FAAH2: variants seen among roughly 807,000 people sequenced by gnomAD.
FAAH2 encodes fatty-acid amide hydrolase 2.
A neutral mutation model predicts 36.9 loss-of-function variants in FAAH2; 60 were observed. The ratio of observed to expected loss-of-function variants is 1.63; its 90% CI spans 1.32 to 2.02. The LOEUF (loss-of-function observed/expected upper bound fraction) is 2.02, where lower values mean the gene tolerates loss of function less well. Ranked by LOEUF, FAAH2 falls within the 30% of genes most tolerant of loss-of-function variation. FAAH2 has a pLI of 0.00. For synonymous variants in FAAH2, 214 were observed against 143.8 expected (o/e 1.49, Z -3.49); for missense variants, 689 against 397.5 (o/e 1.73, Z -6.23).
rs760643135 is a variant in FAAH2 at position 57,390,569 on chromosome X, A to T, written c.996+9540A>T. On this transcript the variant is annotated intron_variant, in intron 7 of 10. Coordinates refer to ENST00000374900, the MANE Select transcript of FAAH2 (RefSeq NM_174912.4). The stretch of plus-strand genomic sequence containing the variant: ...TGTATCCATTGTTTAGTTTCCACTT[A>T]TAAGTGAGAAACAGACTTTCTGTTT... Among the ~76,000 whole-genome samples, 8 of 111,263 alleles carry T rather than the reference A, an allele frequency of 7.2e-5. No individual in the cohort carries two copies. The South Asian group carries it at 2.6e-3, about 36-fold the overall frequency.
rs945424024 is a variant in FAAH2, at chrX:57,488,989, C to T, written c.*57C>T. On this transcript the variant is annotated 3_prime_UTR_variant, in exon 11 of 11. Coordinates refer to ENST00000374900, the MANE Select transcript of FAAH2 (RefSeq NM_174912.4). ...TGTTTGTGTTCGTGTGGTGGTGTTTCTATTAATTGGGTGAAATCAAGCACC... is the reference window on the plus strand; with the variant it reads ...TGTTTGTGTTCGTGTGGTGGTGTTTTTATTAATTGGGTGAAATCAAGCACC... 3 of 1,088,114 alleles carry T rather than the reference C, an allele frequency of 2.8e-6. No individual in the cohort carries two copies. Among genetic ancestry groups the T allele is most frequent in the Non-Finnish European group, 3.6e-6 (3 of 823,558 alleles). The allele number at this position is 1,088,114 out of a possible 1,213,427, so 89.7% of individuals were successfully genotyped here.
chrX:57,479,751 G>A (rs761619793), intron 10 of FAAH2, among the ~76,000 whole-genome samples: 1 of 111,663 alleles, frequency 9.0e-6, no homozygotes, highest in South Asian at 3.8e-4. Flanking sequence ...TAATCATGTG[G>A]TTTTTGTCTT....
the FAAH2 span, among the ~76,000 whole-genome samples, chrX:57,182,301 A>C: frequency 7.1e-5 from 8 of 112,252 alleles, no homozygotes; most frequent in African/African-American, 2.3e-4. Flanking sequence ...AATTTATAGA[A>C]TATTAGAAAA....
rs1038485206 is a variant in FAAH2 at position 57,289,517 on chromosome X, C to T, written c.192+2500C>T. 1.5e-4 allele frequency among the ~76,000 whole-genome samples: 17 copies of T among 110,698 alleles called. No homozygotes were observed. In the East Asian group the frequency reaches 2.3e-3, roughly 15 times the overall value. ...CCGAAAGTCAATGAGGTTTTGAAAC[C>T]GTAAGTCCCACCCTTTATTCATCTC... is the stretch of plus-strand genomic sequence containing the variant. On this transcript the variant is annotated intron_variant, in intron 1 of 10. Transcript: ENST00000374900.
At chrX:57,439,760 T>A (rs1306079518) in intron 8 of FAAH2, among the ~76,000 whole-genome samples, 7 of 112,054 alleles carry the variant, frequency 6.2e-5, no homozygotes, top group African/African-American at 2.3e-4. Flanking sequence ...CTTTAATCCA[T>A]CTTGAACTAA....
rs772353909 is a variant in FAAH2, at chrX:57,426,295, G to A, written c.997-5623G>A. Among the ~76,000 whole-genome samples, 12 of 111,884 alleles carry A rather than the reference G, an allele frequency of 1.1e-4. No individual in the cohort carries two copies. In the East Asian group the frequency reaches 2.5e-3, roughly 23 times the overall value. On this transcript the variant is annotated intron_variant, in intron 7 of 10. Coordinates refer to ENST00000374900, the MANE Select transcript of FAAH2 (RefSeq NM_174912.4). ...ATTACTAGAACTAAGGAAAGATATA[G>A]CAATACAATAATAGCTGGAGACTTC...
intron 10 of FAAH2, among the ~76,000 whole-genome samples, chrX:57,470,710 C>T (rs1231575599): frequency 1.8e-5 from 2 of 111,436 alleles, no homozygotes; most frequent in Admixed American, 9.6e-5. Context: ...CTATTCCAAT[C>T]GATAGAAAAA....
At chrX:57,292,129 A>G (rs930962978) in intron 1 of FAAH2, among the ~76,000 whole-genome samples, 1 of 111,426 alleles carries the variant, frequency 9.0e-6, no homozygotes, top group Non-Finnish European at 1.9e-5. Flanking sequence ...GTTAAGTTTC[A>G]GTGTATTACT....
the FAAH2 span, among the ~76,000 whole-genome samples, chrX:57,203,015 T>C: frequency 2.7e-5 from 3 of 111,914 alleles, no homozygotes; most frequent in East Asian, 8.5e-4. Flanking sequence ...CTGCATGGCC[T>C]AGTGCTGACA....
chrX:57,480,593 T>C (rs931586864), intron 10 of FAAH2, among the ~76,000 whole-genome samples: 2 of 112,277 alleles, frequency 1.8e-5, no homozygotes, highest in African/African-American at 3.2e-5. Flanking sequence ...GTAGGGTTTC[T>C]GCAGATTAAT....
the FAAH2 span, among the ~76,000 whole-genome samples, chrX:57,205,566 G>A: frequency 8.9e-6 from 1 of 112,227 alleles, no homozygotes; most frequent in South Asian, 3.7e-4. Flanking sequence ...TATCAAAGCA[G>A]TCAATACCTC....
chrX:57,208,150 A>G, the FAAH2 span, among the ~76,000 whole-genome samples: 2 of 112,250 alleles, frequency 1.8e-5, no homozygotes, highest in African/African-American at 3.2e-5. Flanking sequence ...TGGGGTAACT[A>G]CTTTCACCCA....
chrX:57,279,382 C>T, the FAAH2 span, among the ~76,000 whole-genome samples: 5 of 112,098 alleles, frequency 4.5e-5, no homozygotes, highest in African/African-American at 1.6e-4. Flanking sequence ...TGTTCTCACT[C>T]ATAAGTGGGA....
intron 5 of FAAH2, among the ~76,000 whole-genome samples, chrX:57,353,493 AAAAAAAAG>A (rs2054081507): frequency 2.8e-5 from 3 of 106,498 alleles, no homozygotes; most frequent in African/African-American, 1.0e-4. Context: ...TTATTAAAAA[AAAAAAAAG>A]AAAAAAAAGA....
the FAAH2 span, among the ~76,000 whole-genome samples, chrX:57,155,034 C>G: frequency 8.9e-6 from 1 of 111,820 alleles, no homozygotes; most frequent in Non-Finnish European, 1.9e-5. Flanking sequence ...ACTATCTTTA[C>G]TATCTTCAGG....
rs764085792 is a variant in FAAH2, at chrX:57,447,101, A to G, written c.1228+62A>G. 4.4e-6 allele frequency: 4 copies of G among 906,971 alleles called. No individual in the cohort carries two copies. In the South Asian group the frequency reaches 1.1e-4, roughly 26 times the overall value. The allele number at this position is 906,971 out of a possible 1,213,427, so 74.7% of individuals were successfully genotyped here. A position where few individuals can be genotyped will look rare whatever the true frequency, so the allele number is the denominator to read the frequency against. ...TCCTGTAATATTTCTTAATATCTAA[A>G]TATAAATTTTGGACTAAAGGCCCCA... On this transcript the variant is annotated intron_variant, in intron 9 of 10. Transcript: ENST00000374900.
At chrX:57,439,973 G>A (rs1443863310) in intron 8 of FAAH2, among the ~76,000 whole-genome samples, 1 of 111,088 alleles carries the variant, frequency 9.0e-6, no homozygotes, top group Non-Finnish European at 1.9e-5. Context: ...CTCTGTTTTG[G>A]TACCAGTACC....
At chrX:57,125,738 G>A in the FAAH2 span, among the ~76,000 whole-genome samples, 1 of 111,722 alleles carries the variant, frequency 9.0e-6, no homozygotes, top group Non-Finnish European at 1.9e-5. Context: ...GTTTTGAATT[G>A]TTTAGTCTCC....
At chrX:57,235,929 G>A in the FAAH2 span, among the ~76,000 whole-genome samples, 1 of 112,220 alleles carries the variant, frequency 8.9e-6, no homozygotes, top group Admixed American at 9.4e-5. Context: ...ATGTAAGAGA[G>A]CACCAAAACT....
Sources: gnomAD v4.1 joint callset for allele counts (sites outside exome capture counted in the v4.1 genomes callset) on GRCh38, gnomAD v4.1.1 for gene constraint, MANE v1.5 for transcripts, NCBI Gene and HGNC (gene_info 2026-07-23, HGNC 2026-07-21) for gene names.